The following LRRTM4 variants were observed in gnomAD, a reference collection of about 807,000 sequenced individuals.
LRRTM4 encodes leucine-rich repeat transmembrane neuronal protein 4.
In LRRTM4, 25 loss-of-function variants were observed where a neutral mutation model predicts 47.6. The observed-to-expected ratio is 0.53, with a 90% confidence interval of 0.38 to 0.73. LRRTM4 has a LOEUF of 0.73. LRRTM4 is among the 30% of genes least tolerant of loss of function. The pLI, the probability that LRRTM4 is intolerant of heterozygous loss-of-function variation, is 0.00. For synonymous variants in LRRTM4, 311 were observed against 269.5 expected (o/e 1.15, Z -1.51); for missense variants, 638 against 713.4 (o/e 0.89, Z 1.20).
intron 3 of LRRTM4, among the ~76,000 whole-genome samples, chr2:77,210,785 T>C (rs1003110618): frequency 6.6e-6 from 1 of 152,036 alleles, no homozygotes; most frequent in Non-Finnish European, 1.5e-5. Flanking sequence ...CTAATAATTT[T>C]CCAAAATAAT....
rs1679390579 is a variant in LRRTM4, at chr2:77,519,523, G to C, written c.346C>G (p.Leu116Val). The change falls in exon 3 of 4, where the codon CTA becomes GTA. Residue 116 changes from leucine to valine, a missense_variant. Physicochemically the swap from Leu to Val is conservative, Grantham distance 32 (BLOSUM62 1). Transcript: ENST00000409884. The surrounding 1 kb of genome is among the most constrained non-coding windows in gnomAD (Gnocchi z 4.6). ...AGATAAGTAATTTTGTTGGAGCTTA[G>C]AATTAATTCTTTCAGTCTACGGATC... ...QGIRRLKELI[L>V]SSNKITYLHN... is the part of the protein sequence containing the mutation. 1 of 1,613,288 alleles carries C rather than the reference G, an allele frequency of 6.2e-7. No individual in the cohort carries two copies. Among genetic ancestry groups the C allele is most frequent in the Admixed American group, 1.7e-5 (1 of 59,858 alleles).
At chr2:77,107,591 G>T (rs1188083085) in intron 3 of LRRTM4, among the ~76,000 whole-genome samples, 1 of 152,096 alleles carries the variant, frequency 6.6e-6, no homozygotes, top group Non-Finnish European at 1.5e-5. Flanking sequence ...GGCCGAGGTG[G>T]GTGGATCACT....
chr2:77,143,553 G>C (rs1364867292), intron 3 of LRRTM4, among the ~76,000 whole-genome samples: 1 of 152,020 alleles, frequency 6.6e-6, no homozygotes, highest in Non-Finnish European at 1.5e-5. Flanking sequence ...AAATTACTTT[G>C]TCTCTCCAAA....
chr2:76,925,981 T>A (rs1324550997), intron 3 of LRRTM4, among the ~76,000 whole-genome samples: 1 of 152,148 alleles, frequency 6.6e-6, no homozygotes, highest in Non-Finnish European at 1.5e-5. Flanking sequence ...AGCTTGTAAG[T>A]TCTTTGAGGA....
chr2:77,260,719 G>A (rs531992127), intron 3 of LRRTM4, among the ~76,000 whole-genome samples: 84 of 152,112 alleles, frequency 5.5e-4, no homozygotes, highest in Non-Finnish European at 1.1e-3. Flanking sequence ...ATAGGTGATT[G>A]GGCATTTACA....
intron 3 of LRRTM4, among the ~76,000 whole-genome samples, chr2:77,222,929 C>T (rs1170965966): frequency 6.6e-6 from 1 of 152,042 alleles, no homozygotes; most frequent in Non-Finnish European, 1.5e-5. Flanking sequence ...GACCAATATC[C>T]CTGATGAACA....
intron 3 of LRRTM4, among the ~76,000 whole-genome samples, chr2:77,292,665 G>A: frequency 7.1e-6 from 1 of 141,216 alleles, no homozygotes; most frequent in Middle Eastern, 3.7e-3. Flanking sequence ...CATGGACACA[G>A]GAAGGGGAAC....
At chr2:76,953,394 G>A (rs578211224) in intron 3 of LRRTM4, among the ~76,000 whole-genome samples, 20 of 151,894 alleles carry the variant, frequency 1.3e-4, no homozygotes, top group African/African-American at 4.3e-4. Context: ...GCTTTGAAAC[G>A]GGCAAAAATG....
At chr2:77,506,667 G>A (rs1423106309) in intron 3 of LRRTM4, among the ~76,000 whole-genome samples, 1 of 151,880 alleles carries the variant, frequency 6.6e-6, no homozygotes, top group Non-Finnish European at 1.5e-5. Context: ...ATATTTTTGA[G>A]AGAGCAATTT....
rs1441209998 is a variant in LRRTM4, at chr2:76,870,584, A to G, written c.1552-121668T>C. On this transcript the variant is annotated intron_variant, in intron 3 of 3. Coordinates refer to ENST00000409884, the MANE Select transcript of LRRTM4 (RefSeq NM_001134745.3). ...CAGCTCTGTATAGTGTCTTGATTCT[A>G]TTGCTACACAGAGCAGCAGGCCTAT... Among the ~76,000 whole-genome samples the G allele has an allele frequency of 3.3e-5, 5 of 152,110 alleles. No individual in the cohort carries two copies. The South Asian group carries it at 8.3e-4, about 25-fold the overall frequency.
At chr2:77,049,139 TATATATATATATATATATACAC>T (rs1679338488) in intron 3 of LRRTM4, among the ~76,000 whole-genome samples, 2 of 130,870 alleles carry the variant, frequency 1.5e-5, no homozygotes, top group African/African-American at 6.5e-5. Context: ...TATATATATA[TATATATATATATATATATACAC>T]ACACACACAC....
chr2:77,221,946 A>G (rs1674647979), intron 3 of LRRTM4, among the ~76,000 whole-genome samples: 1 of 152,166 alleles, frequency 6.6e-6, no homozygotes, highest in Admixed American at 6.5e-5. Flanking sequence ...AATTGACCAT[A>G]TAGTTGGAAG....
At chr2:77,493,016 C>A (rs1055633543) in intron 3 of LRRTM4, among the ~76,000 whole-genome samples, 1 of 151,906 alleles carries the variant, frequency 6.6e-6, no homozygotes, top group Non-Finnish European at 1.5e-5. Context: ...TCAATACATA[C>A]AGCCAAAAAA....
At chr2:77,491,261 CAG>C (rs1344047143) in intron 3 of LRRTM4, among the ~76,000 whole-genome samples, 1 of 150,980 alleles carries the variant, frequency 6.6e-6, no homozygotes, top group Non-Finnish European at 1.5e-5. Flanking sequence ...TAAACAAAGA[CAG>C]AAAATATTGA....
chr2:76,798,907 G>T (rs910529307), intron 3 of LRRTM4, among the ~76,000 whole-genome samples: 15 of 152,084 alleles, frequency 9.9e-5, no homozygotes, highest in Non-Finnish European at 1.9e-4. Context: ...CCAGGAAGAA[G>T]TTGAATCTCT....
In LRRTM4 at chr2:77,267,443, C is replaced by A. The variant is rs531519709; in HGVS notation, c.1551+250875G>T. On this transcript the variant is annotated intron_variant, in intron 3 of 3. Coordinates refer to ENST00000409884, the MANE Select transcript of LRRTM4 (RefSeq NM_001134745.3). ...TCCTCTGGAGGAGGGAAACACTATT[C>A]CCCACATGGCAGAAGAACAGAAGAG... Among the ~76,000 whole-genome samples the A allele has an allele frequency of 6.8e-4, 103 of 152,246 alleles. No homozygotes were observed. In the Middle Eastern group the frequency reaches 0.01, roughly 15 times the overall value.
chr2:77,063,852 T>C (rs1191077602), intron 3 of LRRTM4, among the ~76,000 whole-genome samples: 2 of 152,176 alleles, frequency 1.3e-5, no homozygotes, highest in Non-Finnish European at 2.9e-5. Context: ...ATCCCATCAA[T>C]TGAGCAGGCT....
intron 3 of LRRTM4, among the ~76,000 whole-genome samples, chr2:77,146,255 G>C (rs552175123): frequency 6.6e-6 from 1 of 152,266 alleles, no homozygotes; most frequent in South Asian, 2.1e-4. Context: ...CAGAATTATA[G>C]TCATGACAGG....
intron 3 of LRRTM4, among the ~76,000 whole-genome samples, chr2:77,363,021 T>G (rs1313977291): frequency 6.6e-6 from 1 of 152,224 alleles, no homozygotes; most frequent in Non-Finnish European, 1.5e-5. Flanking sequence ...ATTTTTCTGA[T>G]GAGAACATTG....
Sources: gnomAD v4.1 joint callset for allele counts (sites outside exome capture counted in the v4.1 genomes callset) on GRCh38, gnomAD v4.1.1 for gene constraint, Gnocchi (gnomAD v3.1) non-coding constraint, MANE v1.5 for transcripts, NCBI Gene and HGNC (gene_info 2026-07-23, HGNC 2026-07-21) for gene names.